The following MGAT5 variants were observed in gnomAD, a reference collection of about 807,000 sequenced individuals.
MGAT5 encodes alpha-1,6-mannosylglycoprotein 6-beta-N-acetylglucosaminyltransferase, also known as alpha-1,6-mannosylglycoprotein 6-beta-N-acetylglucosaminyltransferase A.
MGAT5 carries 30 observed loss-of-function variants against 94.3 expected under a neutral mutation model. The ratio of observed to expected loss-of-function variants is 0.32; its 90% CI spans 0.24 to 0.43. The LOEUF (loss-of-function observed/expected upper bound fraction) is 0.43, where lower values mean the gene tolerates loss of function less well. Ranked by LOEUF, MGAT5 falls within the 20% of genes least tolerant of loss-of-function variation. MGAT5 has a pLI of 1.00. For missense variants in MGAT5, 691 were observed against 905.5 expected (o/e 0.76, Z 3.04); for synonymous variants, 310 against 322.9 (o/e 0.96, Z 0.43).
intron 4 of MGAT5, chr2:134,319,826 TAGCAGTCATCCC>T (rs1687213115): frequency 5.9e-6 from 2 of 338,080 alleles, no homozygotes; most frequent in African/African-American, 4.4e-5. Flanking sequence ...TGCATGTCTA[TAGCAGTCATCCC>T]AGTTGTCATT....
rs1686149689 is a variant in MGAT5 at position 134,452,324 on chromosome 2, G to A, written c.*3477G>A. 6.6e-6 allele frequency: 1 copy of A among 152,238 alleles called. No individual in the cohort carries two copies. The highest frequency in any genetic ancestry group is 2.1e-4 in the South Asian group (1 of 4,828). 9.4% of individuals were successfully genotyped at this position (152,238 alleles called of 1,614,324 possible). A position where few individuals can be genotyped will look rare whatever the true frequency, so the allele number is the denominator to read the frequency against. ...GTTCCCTGCCACCCACGCACTTGCT[G>A]AGGTGTGGCTGAGGCAGAATCATGT... On this transcript the variant is annotated 3_prime_UTR_variant, in exon 16 of 16. Coordinates refer to ENST00000281923, the MANE Select transcript of MGAT5 (RefSeq NM_002410.5).
intron 2 of MGAT5, among the ~76,000 whole-genome samples, chr2:134,289,255 T>G (rs1186723620): frequency 1.3e-5 from 2 of 152,164 alleles, no homozygotes; most frequent in Non-Finnish European, 2.9e-5. Context: ...CCTGTCTTGT[T>G]CCCTCTGACT....
At chr2:134,314,290 A>T (rs1198750428) in intron 2 of MGAT5, among the ~76,000 whole-genome samples, 1 of 152,168 alleles carries the variant, frequency 6.6e-6, no homozygotes, top group Non-Finnish European at 1.5e-5. Flanking sequence ...AAGGAGAGAA[A>T]ATTCGTGTAT....
intron 2 of MGAT5, among the ~76,000 whole-genome samples, chr2:134,310,883 C>CA (rs1686611324): frequency 6.6e-6 from 1 of 152,190 alleles, no homozygotes; most frequent in African/African-American, 2.4e-5. Flanking sequence ...GCTGTGTCTC[C>CA]AAGCCCATTG....
In MGAT5 at chr2:134,313,171, C is replaced by T. The variant is rs72978164; in HGVS notation, c.407-4358C>T. ...AAATGCCATTGTTTCCCTCTGTACACGTCTCTCTCGATACGTGTGTGTCTG... is the reference window on the plus strand; with the variant it reads ...AAATGCCATTGTTTCCCTCTGTACATGTCTCTCTCGATACGTGTGTGTCTG... On this transcript the variant is annotated intron_variant, in intron 2 of 15. Coordinates refer to ENST00000281923, the MANE Select transcript of MGAT5 (RefSeq NM_002410.5). 6.0e-3 allele frequency among the ~76,000 whole-genome samples: 907 copies of T among 151,950 alleles called. 13 individuals are homozygous for T. Among genetic ancestry groups the T allele is most frequent in the African/African-American group, 0.02 (836 of 41,420 alleles).
At chr2:134,171,963 C>G (rs1420203734) in intron 1 of MGAT5, among the ~76,000 whole-genome samples, 1 of 152,132 alleles carries the variant, frequency 6.6e-6, no homozygotes, top group Non-Finnish European at 1.5e-5. Flanking sequence ...TCTCTTGGTA[C>G]CACCCATAAT....
chr2:134,189,202 T>G (rs1689194989), intron 1 of MGAT5, among the ~76,000 whole-genome samples: 1 of 152,140 alleles, frequency 6.6e-6, no homozygotes, highest in African/African-American at 2.4e-5. Flanking sequence ...TCCTTTCCCC[T>G]CTCTGGATTG....
chr2:134,359,615 AT>A (rs759435777), intron 9 of MGAT5, among the ~76,000 whole-genome samples: 19 of 152,286 alleles, frequency 1.2e-4, no homozygotes, highest in East Asian at 5.8e-4. Flanking sequence ...TTATGATGAG[AT>A]TTGTTTGATT....
At chr2:134,342,645 G>A (rs1027943964) in intron 7 of MGAT5, among the ~76,000 whole-genome samples, 1 of 151,004 alleles carries the variant, frequency 6.6e-6, no homozygotes, top group Non-Finnish European at 1.5e-5. Flanking sequence ...CCATCTACTC[G>A]AGAGGCAGAG....
intron 1 of MGAT5, among the ~76,000 whole-genome samples, chr2:134,131,940 C>G (rs755589062): frequency 1.3e-5 from 2 of 152,210 alleles, no homozygotes; most frequent in Non-Finnish European, 2.9e-5. Context: ...GCCATCTGAC[C>G]TGTCAGCTGT....
intron 1 of MGAT5, among the ~76,000 whole-genome samples, chr2:134,197,977 C>T (rs998361636): frequency 6.6e-6 from 1 of 152,152 alleles, no homozygotes; most frequent in East Asian, 1.9e-4. Context: ...GATAATTATA[C>T]TCTGTAGTGA....
At chr2:134,342,640 T>A (rs962761534) in intron 7 of MGAT5, among the ~76,000 whole-genome samples, 2 of 151,252 alleles carry the variant, frequency 1.3e-5, no homozygotes, top group African/African-American at 2.4e-5. Flanking sequence ...TAGTCCCATC[T>A]ACTCGAGAGG....
intron 1 of MGAT5, among the ~76,000 whole-genome samples, chr2:134,192,227 A>AT (rs933864953): frequency 6.7e-6 from 1 of 149,414 alleles, no homozygotes; most frequent in Non-Finnish European, 1.5e-5. Context: ...GTTCCTGATG[A>AT]AAGGGTGGGT....
rs149984807 is a variant in MGAT5, at chr2:134,453,847, T to C, written c.*5000T>C. On this transcript the variant is annotated 3_prime_UTR_variant, in exon 16 of 16. Transcript: ENST00000281923. ...CTAAATATCGGTTTGCTTTTTGTTT[T>C]GGGGGAGAGGATTTAGCCTCTTACT... 6.6e-6 allele frequency: 1 copy of C among 152,368 alleles called. No individual in the cohort carries two copies. The highest frequency in any genetic ancestry group is 2.4e-5 in the African/African-American group (1 of 41,584). The allele number at this position is 152,368 out of a possible 1,614,324, so 9.4% of individuals were successfully genotyped here.
intron 2 of MGAT5, among the ~76,000 whole-genome samples, chr2:134,285,119 CTT>C (rs1217365465): frequency 6.6e-6 from 1 of 151,842 alleles, no homozygotes; most frequent in Non-Finnish European, 1.5e-5. Flanking sequence ...TTTTCCAATT[CTT>C]TTTCTGATTT....
At chr2:134,346,563 G>A (rs949663705) in intron 8 of MGAT5, among the ~76,000 whole-genome samples, 1 of 152,032 alleles carries the variant, frequency 6.6e-6, no homozygotes, top group African/African-American at 2.4e-5. Flanking sequence ...ATTAGAAATT[G>A]TCAGGGAAAA....
chr2:134,325,184 C>A (rs1558791875), intron 4 of MGAT5, among the ~76,000 whole-genome samples: 1 of 151,998 alleles, frequency 6.6e-6, no homozygotes, highest in Non-Finnish European at 1.5e-5. Flanking sequence ...CTCCACTCTA[C>A]AAAAATCAGA....
At chr2:134,273,312 C>G (rs1684150260) in intron 2 of MGAT5, among the ~76,000 whole-genome samples, 1 of 152,200 alleles carries the variant, frequency 6.6e-6, no homozygotes, top group African/African-American at 2.4e-5. Flanking sequence ...CTTCAGACCC[C>G]TCTGTCAACC....
chr2:134,357,250 C>G (rs563827320), intron 9 of MGAT5, among the ~76,000 whole-genome samples: 1 of 152,308 alleles, frequency 6.6e-6, no homozygotes, highest in Non-Finnish European at 1.5e-5. Flanking sequence ...GTGGCCTCAT[C>G]TTACTTTCTT....
Sources: allele counts gnomAD v4.1 joint callset (sites outside exome capture counted in the v4.1 genomes callset), GRCh38; gene constraint gnomAD v4.1.1; transcripts MANE v1.5; gene names NCBI Gene and HGNC (gene_info 2026-07-23, HGNC 2026-07-21).